Variants in ROBO1 observed in about 807,000 individuals in gnomAD.
ROBO1 encodes the protein roundabout homolog 1.
ROBO1 carries 149 observed loss-of-function variants against 195.9 expected under a neutral mutation model. The observed-to-expected ratio is 0.76, with a 90% CI of 0.67 to 0.87. The LOEUF (loss-of-function observed/expected upper bound fraction) is 0.87. Ranked by LOEUF, ROBO1 falls within the 40% of genes least tolerant of loss-of-function variation. The pLI is 0.00. For missense variants in ROBO1, 1,933 were observed against 2,068.3 expected, an observed-to-expected ratio of 0.93 and a Z score of 1.27; for synonymous variants, 816 against 733.2, an observed-to-expected ratio of 1.11 and a Z score of -1.82.
At position 79,282,365 on chromosome 3, in the gene ROBO1, T is replaced by C. The variant is rs2031580736; in HGVS notation, c.89-156826A>G. Among the ~76,000 whole-genome samples, 7 of 152,332 alleles carry C rather than the reference T, an allele frequency of 4.6e-5. No homozygotes were observed. The South Asian group carries it at 1.2e-3, about 27-fold the overall frequency. ...CAACTAACATTTTTTGAGCATCTAA[T>C]GCATACCAGTGACTGATCTAAGAGA... On this transcript the variant is annotated intron_variant, in intron 2 of 30. Coordinates refer to ENST00000464233, the MANE Select transcript of ROBO1 (RefSeq NM_002941.4).
At chr3:79,372,462 G>T (rs1205952505) in intron 2 of ROBO1, among the ~76,000 whole-genome samples, 2 of 151,938 alleles carry the variant, frequency 1.3e-5, no homozygotes, top group African/African-American at 4.8e-5. Flanking sequence ...GCCCGCCTTG[G>T]CCTCCCAAAG....
intron 1 of ROBO1, 28 bp from the exon 2 acceptor site, chr3:79,589,989 G>C (rs907987912): frequency 1.0e-6 from 1 of 976,174 alleles, no homozygotes; most frequent in Non-Finnish European, 1.6e-6. Flanking sequence ...ATATTATTTT[G>C]TAATGGTTAG....
chr3:78,938,320 GA>G (rs1183503462), intron 4 of ROBO1: 1 of 370,112 alleles, frequency 2.7e-6, no homozygotes, highest in African/African-American at 2.1e-5. Context: ...GGTAACAAAG[GA>G]GGGGATGGAA....
At chr3:78,987,355 C>T (rs766755023) in intron 3 of ROBO1, among the ~76,000 whole-genome samples, 14 of 151,894 alleles carry the variant, frequency 9.2e-5, no homozygotes, top group Non-Finnish European at 1.8e-4. Context: ...ACAACACACA[C>T]GCAACAGATG....
chr3:78,957,182 T>C (rs1462349507), intron 3 of ROBO1, among the ~76,000 whole-genome samples: 2 of 152,014 alleles, frequency 1.3e-5, no homozygotes, highest in African/African-American at 2.4e-5. Flanking sequence ...TGGGAAAATA[T>C]GGAGAAAATA....
intron 3 of ROBO1, among the ~76,000 whole-genome samples, chr3:78,973,993 T>C (rs911403215): frequency 6.6e-6 from 1 of 152,148 alleles, no homozygotes; most frequent in Non-Finnish European, 1.5e-5. Context: ...ACTGAGTAGA[T>C]GAGCTACCAA....
chr3:79,096,945 T>A (rs776847596), intron 3 of ROBO1, among the ~76,000 whole-genome samples: 1 of 151,632 alleles, frequency 6.6e-6, no homozygotes, highest in Non-Finnish European at 1.5e-5. Context: ...GCATAGAATT[T>A]TGACTGCTTA....
Position 78,923,872 on chromosome 3 carries a change from T to C in ROBO1, c.499+14729A>G, listed in dbSNP as rs556314935. ...CCTCAAAGTAGGAACTTGTGTTTTA[T>C]GTGGAATGAATGAGCTATGTTTTCA... On this transcript the variant is annotated intron_variant, in intron 4 of 30. Transcript: ENST00000464233. Among the ~76,000 whole-genome samples the C allele has an allele frequency of 5.9e-5, 9 of 152,256 alleles. No homozygotes were observed. The South Asian group carries it at 1.7e-3, about 28-fold the overall frequency.
chr3:79,010,161 C>G (rs1186290759), intron 3 of ROBO1, among the ~76,000 whole-genome samples: 1 of 152,032 alleles, frequency 6.6e-6, no homozygotes, highest in Non-Finnish European at 1.5e-5. Context: ...ATGTAGTTCC[C>G]TCCCAAAAAA....
intron 22 of ROBO1, 73 bp downstream of exon 22, chr3:78,639,671 G>T: frequency 7.3e-7 from 1 of 1,379,294 alleles, no homozygotes; most frequent in Non-Finnish European, 9.9e-7. Flanking sequence ...CATGTAGGGA[G>T]AGGGAAAGAA....
intron 4 of ROBO1, among the ~76,000 whole-genome samples, chr3:78,782,316 C>T (rs1454158546): frequency 6.6e-6 from 1 of 151,978 alleles, no homozygotes; most frequent in African/African-American, 2.4e-5. Flanking sequence ...CTTGACTCAG[C>T]CTCCCAAGTA....
chr3:79,096,265 T>G (rs2079564177), intron 3 of ROBO1, among the ~76,000 whole-genome samples: 1 of 151,966 alleles, frequency 6.6e-6, no homozygotes, highest in Non-Finnish European at 1.5e-5. Flanking sequence ...TGCATCTGCT[T>G]CTGATTTATG....
intron 2 of ROBO1, among the ~76,000 whole-genome samples, chr3:79,214,441 T>C (rs565933897): frequency 5.4e-4 from 82 of 152,216 alleles, no homozygotes; most frequent in South Asian, 1.2e-3. Flanking sequence ...TGCATGACTT[T>C]GATCAAGTTA....
At chr3:79,050,707 G>C (rs989772699) in intron 3 of ROBO1, among the ~76,000 whole-genome samples, 7 of 152,078 alleles carry the variant, frequency 4.6e-5, no homozygotes, top group African/African-American at 1.7e-4. Context: ...ACAACAAACT[G>C]TCTCTCAGAC....
chr3:78,602,077 G>T (rs1253467409), intron 29 of ROBO1, among the ~76,000 whole-genome samples: 1 of 150,778 alleles, frequency 6.6e-6, no homozygotes, highest in Non-Finnish European at 1.5e-5. Context: ...TATATATATA[G>T]ATGAATGATA....
At chr3:79,010,325 C>T (rs192740881) in intron 3 of ROBO1, among the ~76,000 whole-genome samples, 8 of 152,130 alleles carry the variant, frequency 5.3e-5, no homozygotes, top group Non-Finnish European at 1.0e-4. Flanking sequence ...CTTTGACTGG[C>T]CATAGTTAAA....
At chr3:78,991,590 T>G (rs958270893) in intron 3 of ROBO1, among the ~76,000 whole-genome samples, 57 of 152,332 alleles carry the variant, frequency 3.7e-4, no homozygotes, top group Non-Finnish European at 6.9e-4. Context: ...GCTCACTATT[T>G]GATTTGAGTG....
Position 79,767,847 on chromosome 3 carries a change from C to T in ROBO1, c.-146G>A, listed in dbSNP as rs1576338928. The T allele has an allele frequency of 6.6e-6, 1 of 152,176 alleles. No homozygotes were observed. Among genetic ancestry groups the T allele is most frequent in the East Asian group, 1.9e-4 (1 of 5,188 alleles). The allele number at this position is 152,176 out of a possible 1,614,324, so 9.4% of individuals were successfully genotyped here. A position where few individuals can be genotyped will look rare whatever the true frequency, so the allele number is the denominator to read the frequency against. ...CACTGAGACCTTTCCGAGTTTAAAC[C>T]AAGCGAAAGGTGACAGACTTTTAAA... On this transcript the variant is annotated 5_prime_UTR_variant, in exon 1 of 31. Transcript: ENST00000464233.
chr3:79,286,629 G>A (rs949573153), intron 2 of ROBO1, among the ~76,000 whole-genome samples: 2 of 152,090 alleles, frequency 1.3e-5, no homozygotes, highest in Non-Finnish European at 2.9e-5. Context: ...TGATATTGTG[G>A]AGAAATGGGA....
Sources: gnomAD v4.1 joint callset for allele counts (sites outside exome capture counted in the v4.1 genomes callset) on GRCh38, gnomAD v4.1.1 for gene constraint, MANE v1.5 for transcripts, NCBI Gene and HGNC (gene_info 2026-07-23, HGNC 2026-07-21) for gene names.